The following NTM variants were observed in gnomAD, a reference collection of about 807,000 sequenced individuals.
The protein encoded by NTM is IgLON family member 2.
A neutral mutation model predicts 42.1 loss-of-function variants in NTM; 13 were observed. The observed-to-expected ratio is 0.31, with a 90% CI of 0.20 to 0.49. The LOEUF is 0.49. Ranked by LOEUF, NTM falls within the 20% of genes least tolerant of loss-of-function variation. The pLI is 0.99. For synonymous variants in NTM, 187 were observed against 179.2 expected (o/e 1.04, Z -0.35); for missense variants, 373 against 452.8 (o/e 0.82, Z 1.60).
intron 4 of NTM, among the ~76,000 whole-genome samples, chr11:132,226,364 A>G (rs983113883): frequency 1.3e-5 from 2 of 152,096 alleles, no homozygotes; most frequent in Non-Finnish European, 2.9e-5. Context: ...CATCCTCTCT[A>G]GCATCTGTTG....
At chr11:131,389,853 G>T (rs932841539) in intron 1 of NTM, among the ~76,000 whole-genome samples, 1 of 152,148 alleles carries the variant, frequency 6.6e-6, no homozygotes, top group African/African-American at 2.4e-5. Flanking sequence ...AAGGAGATTT[G>T]CAGTTAATCC....
intron 1 of NTM, among the ~76,000 whole-genome samples, chr11:131,697,461 A>T (rs989527775): frequency 6.6e-6 from 1 of 152,154 alleles, no homozygotes; most frequent in Non-Finnish European, 1.5e-5. Flanking sequence ...TATCTCCTCA[A>T]GTATCACTTC....
intron 2 of NTM, among the ~76,000 whole-genome samples, chr11:132,055,950 A>T (rs1210327665): frequency 6.6e-6 from 1 of 152,032 alleles, no homozygotes; most frequent in Non-Finnish European, 1.5e-5. Context: ...GATAAATGCC[A>T]CTCCTCACTG....
chr11:131,707,227 C>T (rs1246553679), intron 1 of NTM, among the ~76,000 whole-genome samples: 7 of 152,048 alleles, frequency 4.6e-5, no homozygotes, highest in Admixed American at 4.6e-4. Context: ...TAAGATTCCA[C>T]ATGCAGTAAG....
intron 2 of NTM, among the ~76,000 whole-genome samples, chr11:131,943,631 T>A (rs1409265812): frequency 6.6e-6 from 1 of 152,198 alleles, no homozygotes; most frequent in African/African-American, 2.4e-5. Flanking sequence ...TCTGAGCACC[T>A]ACCCTCAGTT....
intron 6 of NTM, among the ~76,000 whole-genome samples, chr11:132,313,535 A>G (rs934141623): frequency 2.6e-5 from 4 of 151,974 alleles, no homozygotes; most frequent in African/African-American, 7.3e-5. Context: ...AGGATTACAG[A>G]TTGTTTGTTT....
intron 1 of NTM, among the ~76,000 whole-genome samples, chr11:131,714,249 C>T (rs754704476): frequency 6.6e-6 from 1 of 151,994 alleles, no homozygotes; most frequent in Non-Finnish European, 1.5e-5. Flanking sequence ...AGTACAGTGG[C>T]GTGATCTTGG....
At chr11:132,279,524 T>C (rs913312249) in intron 4 of NTM, among the ~76,000 whole-genome samples, 13 of 152,226 alleles carry the variant, frequency 8.5e-5, no homozygotes, top group Non-Finnish European at 1.5e-4. Context: ...GAACTTCCAC[T>C]ACTGCACGTT....
chr11:132,075,465 G>T (rs944557098), intron 2 of NTM, among the ~76,000 whole-genome samples: 1 of 151,896 alleles, frequency 6.6e-6, no homozygotes, highest in African/African-American at 2.4e-5. Flanking sequence ...TCCAAGATGG[G>T]ATTCCAAGTT....
chr11:131,389,025 AAAAGAAAAG>A (rs1344394219), intron 1 of NTM, among the ~76,000 whole-genome samples: 2 of 15,648 alleles, frequency 1.3e-4, no homozygotes, highest in African/African-American at 3.1e-4. Flanking sequence ...AAAAAAAAAA[AAAAGAAAAG>A]AAAAGAAAAG....
At chr11:132,235,895 C>T (rs2088748847) in intron 4 of NTM, among the ~76,000 whole-genome samples, 1 of 152,120 alleles carries the variant, frequency 6.6e-6, no homozygotes, top group African/African-American at 2.4e-5. Context: ...AGTCAGTGAT[C>T]TGCCATTGCT....
intron 3 of NTM, among the ~76,000 whole-genome samples, chr11:132,191,785 A>T (rs1203358338): frequency 6.6e-6 from 1 of 152,202 alleles, no homozygotes; most frequent in Non-Finnish European, 1.5e-5. Context: ...GTAAAATGAT[A>T]CAAGAGTTGA....
At chr11:131,881,512 C>A (rs12575348) in intron 1 of NTM, among the ~76,000 whole-genome samples, 53,641 of 136,080 alleles carry the variant, frequency 0.39, 10,175 homozygotes, top group East Asian at 0.57. Flanking sequence ...ACACACACCC[C>A]CCAAAGCTTT....
rs77787835 is a variant in NTM at position 131,976,027 on chromosome 11, A to G, written c.167+64379A>G. Reference sequence around the variant, plus strand: ...CTGGGGTCTTGTTACCTGCTCAAAAAGAACCCAGTGGCCTTTGAATGCATT... The same window carrying G: ...CTGGGGTCTTGTTACCTGCTCAAAAGGAACCCAGTGGCCTTTGAATGCATT... On this transcript the variant is annotated intron_variant, in intron 2 of 8. Transcript: ENST00000683400. 4.1e-3 allele frequency among the ~76,000 whole-genome samples: 625 copies of G among 152,218 alleles called. 3 individuals are homozygous for G. The highest frequency in any genetic ancestry group is 0.014 in the African/African-American group (590 of 41,544).
chr11:132,171,225 C>T (rs1251645001), intron 3 of NTM, among the ~76,000 whole-genome samples: 1 of 152,204 alleles, frequency 6.6e-6, no homozygotes, highest in Non-Finnish European at 1.5e-5. Flanking sequence ...AGCATGCTGA[C>T]TTCCATTCAG....
chr11:132,069,932 C>T (rs1244812568), intron 2 of NTM, among the ~76,000 whole-genome samples: 1 of 147,124 alleles, frequency 6.8e-6, no homozygotes, highest in Non-Finnish European at 1.5e-5. Flanking sequence ...AACTGACCAT[C>T]ACAGGTTAGT....
intron 1 of NTM, among the ~76,000 whole-genome samples, chr11:131,575,014 C>A (rs1477014499): frequency 6.6e-6 from 1 of 152,156 alleles, no homozygotes; most frequent in Non-Finnish European, 1.5e-5. Context: ...GCACTTCAAT[C>A]TATGTTTAGT....
chr11:131,657,815 G>A (rs2067399848), intron 1 of NTM, among the ~76,000 whole-genome samples: 1 of 152,252 alleles, frequency 6.6e-6, no homozygotes, highest in Admixed American at 6.5e-5. Flanking sequence ...CCCTGGGCTA[G>A]ATGTTGTCAG....
intron 2 of NTM, chr11:132,141,207 G>T (rs1181578696): frequency 3.3e-5 from 5 of 150,536 alleles, no homozygotes; most frequent in African/African-American, 9.9e-5. Context: ...CCAATTCCCA[G>T]GTTCTCTCTC....
Sources: allele counts gnomAD v4.1 joint callset (sites outside exome capture counted in the v4.1 genomes callset), GRCh38; gene constraint gnomAD v4.1.1; transcripts MANE v1.5; gene names NCBI Gene and HGNC (gene_info 2026-07-23, HGNC 2026-07-21).